The following KY variants were observed in gnomAD, a reference collection of about 807,000 sequenced individuals.
KY encodes kyphoscoliosis peptidase.
A neutral mutation model predicts 76.1 loss-of-function variants in KY; 43 were observed. The observed-to-expected ratio is 0.57, with a 90% CI of 0.44 to 0.73. The LOEUF is 0.73. Among genes scored for constraint, KY ranks in the 30% least tolerant of loss-of-function variants. The pLI, the probability that KY is intolerant of heterozygous loss-of-function variation, is 0.00. For missense variants in KY, 722 were observed against 828.9 expected, an observed-to-expected ratio of 0.87 and a Z score of 1.58; for synonymous variants, 277 against 326.2, an observed-to-expected ratio of 0.85 and a Z score of 1.63.
intron 8 of KY, among the ~76,000 whole-genome samples, chr3:134,614,883 C>A (rs953097827): frequency 3.9e-5 from 6 of 152,196 alleles, no homozygotes; most frequent in Admixed American, 3.9e-4. Flanking sequence ...GTAGACTTTC[C>A]CAAATCTGAT....
Position 134,602,612 on chromosome 3 carries a change from G to A in KY, c.*967C>T, listed in dbSNP as rs1174669498. Reference sequence around the variant, plus strand: ...CACTACTCACCTGATCTGCGCCCAGGTCCTTATTCAGGGCTATCCACAAGA... The same window carrying A: ...CACTACTCACCTGATCTGCGCCCAGATCCTTATTCAGGGCTATCCACAAGA... On this transcript the variant is annotated 3_prime_UTR_variant, in exon 11 of 11. Transcript: ENST00000423778. 1.3e-5 allele frequency among the ~76,000 whole-genome samples: 2 copies of A among 152,180 alleles called. No individual in the cohort carries two copies. Among genetic ancestry groups the A allele is most frequent in the Non-Finnish European group, 2.9e-5 (2 of 68,026 alleles).
Position 134,600,606 on chromosome 3 carries a change from C to G in KY, c.*2973G>C, listed in dbSNP as rs11927539. On this transcript the variant is annotated 3_prime_UTR_variant, in exon 11 of 11. Coordinates refer to ENST00000423778, the MANE Select transcript of KY (RefSeq NM_178554.6). The stretch of plus-strand genomic sequence containing the variant: ...CCTCTGCCCACCACTCCTCCACCCT[C>G]GGTTCCCTTCTGCCCTGTGGCCTGG... 0.63 allele frequency among the ~76,000 whole-genome samples: 95,240 copies of G among 151,444 alleles called. 30,408 individuals are homozygous for G. Among genetic ancestry groups the G allele is most frequent in the East Asian group, 0.87 (4,454 of 5,124 alleles).
At position 134,603,703 on chromosome 3, in the gene KY, T is replaced by C; in HGVS notation, c.1862A>G (p.His621Arg). 1 of 1,613,936 alleles carries C rather than the reference T, an allele frequency of 6.2e-7. No homozygotes were observed. The highest frequency in any genetic ancestry group is 1.3e-5 in the African/African-American group (1 of 75,074). Residue 621 changes from histidine to arginine, a missense_variant, in exon 11 of 11, where the codon CAC becomes CGC. His to Arg is a conservative substitution (Grantham distance 29). Transcript: ENST00000423778. ...GQDTWPLTLN[H>R]EGYWEGSCST... Reference sequence around the variant, plus strand: ...GCAGCTTCCCTCCCAGTAGCCCTCGTGGTTCAGGGTCAGGGGCCATGTGTC... The same window carrying C: ...GCAGCTTCCCTCCCAGTAGCCCTCGCGGTTCAGGGTCAGGGGCCATGTGTC...
chr3:134,633,745 C>A (rs1386887127), intron 3 of KY, among the ~76,000 whole-genome samples: 1 of 152,024 alleles, frequency 6.6e-6, no homozygotes, highest in East Asian at 1.9e-4. Flanking sequence ...TACTGGAAGT[C>A]CCACCCTGTG....
rs759510077 is a variant in KY, at chr3:134,603,526, C to T, written c.*53G>A. On this transcript the variant is annotated 3_prime_UTR_variant, in exon 11 of 11. Transcript: ENST00000423778. The stretch of plus-strand genomic sequence containing the variant: ...CTCCCTGCACTTCCTTCGAGCCCTC[C>T]CTGGGGAGGTCTGGCCTTGGCCCTT... 6.6e-7 allele frequency: 1 copy of T among 1,504,224 alleles called. No individual in the cohort carries two copies. The highest frequency in any genetic ancestry group is 8.9e-7 in the Non-Finnish European group (1 of 1,118,242). 93.2% of individuals were successfully genotyped at this position (1,504,224 alleles called of 1,614,324 possible).
intron 3 of KY, among the ~76,000 whole-genome samples, chr3:134,633,825 C>T (rs1203422833): frequency 2.0e-5 from 3 of 152,130 alleles, no homozygotes; most frequent in Admixed American, 2.0e-4. Context: ...TCTTTATTCA[C>T]AGTTGATATG....
chr3:134,650,864 G>A lies in KY; in HGVS notation c.97C>T (p.Gln33Ter), dbSNP rs1158449618. Residue 33 changes from glutamine to a stop codon, truncating the protein, a stop_gained, in exon 1 of 11, where the codon CAG becomes TAG. Coordinates refer to ENST00000423778, the MANE Select transcript of KY (RefSeq NM_178554.6). LOFTEE classifies it high-confidence loss of function. ...AGCAGCGAGCTCGGGTTCGCCTGCT[G>A]GTCTGAGAGCGTACCCTGTGCGGCG... ...RRAAQGTLSD[Q>*]QANPSSLLQR... The A allele has an allele frequency of 2.5e-6, 4 of 1,611,056 alleles. No homozygotes were observed. In the South Asian group the frequency reaches 3.3e-5, roughly 13 times the overall value.
chr3:134,623,083 T>C (rs1206476888), intron 6 of KY, among the ~76,000 whole-genome samples: 1 of 152,218 alleles, frequency 6.6e-6, no homozygotes, highest in Non-Finnish European at 1.5e-5. Context: ...TACTCAGCAT[T>C]GCAGGCCTGC....
chr3:134,628,079 G>C (rs148965054), intron 4 of KY: 4 of 539,298 alleles, frequency 7.4e-6, no homozygotes, highest in Non-Finnish European at 1.3e-5. Context: ...GTTAGTATTT[G>C]CTCTGACCTA....
chr3:134,645,817 G>C (rs917120172), intron 2 of KY, among the ~76,000 whole-genome samples: 1 of 152,172 alleles, frequency 6.6e-6, no homozygotes, highest in Non-Finnish European at 1.5e-5. Context: ...TCTTTTACAA[G>C]AGTCTTATAA....
At chr3:134,627,275 G>T (rs1560123756) in intron 5 of KY, among the ~76,000 whole-genome samples, 1 of 152,146 alleles carries the variant, frequency 6.6e-6, no homozygotes, top group East Asian at 1.9e-4. Context: ...GTATGGAGCT[G>T]CACCCCGCCT....
intron 8 of KY, among the ~76,000 whole-genome samples, chr3:134,616,788 A>T (rs1022239457): frequency 2.6e-5 from 4 of 152,176 alleles, no homozygotes; most frequent in African/African-American, 9.7e-5. Flanking sequence ...TCTGTAGGAA[A>T]ACTCCACAGA....
chr3:134,607,636 T>G, intron 10 of KY: 1 of 985,658 alleles, frequency 1.0e-6, no homozygotes, highest in African/African-American at 1.7e-5. Flanking sequence ...GAGACAATCT[T>G]CCAGAGAAGG....
intron 4 of KY, 145 bp from the exon 5 acceptor site, chr3:134,627,963 C>T (rs1963693019): frequency 3.0e-6 from 2 of 657,768 alleles, no homozygotes; most frequent in African/African-American, 3.6e-5. Flanking sequence ...ACCCCACTGA[C>T]CACTGAATTG....
At chr3:134,648,923 A>C (rs557000385) in intron 1 of KY, among the ~76,000 whole-genome samples, 1 of 152,314 alleles carries the variant, frequency 6.6e-6, no homozygotes, top group African/African-American at 2.4e-5. Context: ...CCTGGAAGTG[A>C]GCAAGAGTTT....
Position 134,627,525 on chromosome 3 carries a change from G to C in KY, c.400+231C>G, listed in dbSNP as rs372458821. ...AATGGTCTGCCTTGTTATTGGTGGG[G>C]TTTATACTTTAGCTTTAGGATGACA... On this transcript the variant is annotated intron_variant, in intron 5 of 10. Transcript: ENST00000423778. Among the ~76,000 whole-genome samples, 260 of 152,274 alleles carry C rather than the reference G, an allele frequency of 1.7e-3. 1 individual carries two copies. Among genetic ancestry groups the C allele is most frequent in the Middle Eastern group, 0.01 (3 of 294 alleles).
chr3:134,609,695 G>A (rs1424983872), intron 9 of KY, among the ~76,000 whole-genome samples: 1 of 152,100 alleles, frequency 6.6e-6, no homozygotes, highest in East Asian at 1.9e-4. Context: ...CAGTGACCCT[G>A]CACCGCCAAT....
intron 8 of KY, 60 bp from the exon 9 acceptor site, chr3:134,610,443 T>A: frequency 6.8e-7 from 1 of 1,461,868 alleles, no homozygotes; most frequent in Non-Finnish European, 9.4e-7. Context: ...TCCAAGTCTG[T>A]CCATGGTCTC....
Position 134,604,074 on chromosome 3 carries a change from G to T in KY, c.1491C>A (p.His497Gln), listed in dbSNP as rs142832129. The T allele has an allele frequency of 1.9e-6, 3 of 1,613,744 alleles. No individual in the cohort carries two copies. Among genetic ancestry groups the T allele is most frequent in the Admixed American group, 3.3e-5 (2 of 59,990 alleles). ...CCTCAGTGATGGGGCCATCATCCCC[G>T]TGGAGGGAAGCCAGGACATTAATGC... ...EEGINVLASL[H>Q]GDDGPITEET... The change falls in exon 11 of 11, where the codon CAC becomes CAA. Residue 497 changes from histidine (H) to glutamine (Q), a missense_variant. His to Gln is a conservative substitution (Grantham distance 24). Transcript: ENST00000423778.
Sources: gnomAD v4.1 joint callset for allele counts (sites outside exome capture counted in the v4.1 genomes callset) on GRCh38, gnomAD v4.1.1 for gene constraint, MANE v1.5 for transcripts, NCBI Gene and HGNC (gene_info 2026-07-23, HGNC 2026-07-21) for gene names.